Variants in CA8 observed in about 807,000 individuals in gnomAD.
CA8 encodes carbonic anhydrase-related protein.
A neutral mutation model predicts 41.4 loss-of-function variants in CA8; 22 were observed. The observed-to-expected ratio is 0.53, with a 90% CI of 0.38 to 0.76. The LOEUF (loss-of-function observed/expected upper bound fraction) is 0.76. Among genes scored for constraint, CA8 ranks in the 30% least tolerant of loss-of-function variants. The probability of loss-of-function intolerance (pLI) is 0.00; values close to 1 mark genes in which losing one functional copy is unlikely to be tolerated. For synonymous variants in CA8, 121 were observed against 130.6 expected, an observed-to-expected ratio of 0.93 and a Z score of 0.50; for missense variants, 270 against 352.8, an observed-to-expected ratio of 0.77 and a Z score of 1.88.
intron 3 of CA8, among the ~76,000 whole-genome samples, chr8:60,233,985 TA>T (rs1262345771): frequency 6.6e-6 from 1 of 152,030 alleles, no homozygotes; most frequent in African/African-American, 2.4e-5. Flanking sequence ...TTTCAAAGAG[TA>T]AAGTATGGAA....
intron 3 of CA8, chr8:60,232,786 T>C: frequency 9.8e-6 from 2 of 204,256 alleles, no homozygotes; most frequent in East Asian, 2.1e-4. Context: ...CATCACCCAG[T>C]ACTTCCATCA....
chr8:60,203,433 C>A (rs1806490627), intron 8 of CA8, among the ~76,000 whole-genome samples: 1 of 152,060 alleles, frequency 6.6e-6, no homozygotes, highest in Non-Finnish European at 1.5e-5. Flanking sequence ...GTTTCAATTC[C>A]TTAACCCCTT....
At chr8:60,196,379 A>G (rs1326611865) in intron 8 of CA8, among the ~76,000 whole-genome samples, 27 of 152,154 alleles carry the variant, frequency 1.8e-4, no homozygotes, top group Admixed American at 1.8e-3. Flanking sequence ...CACTTCATAG[A>G]TGAGGAAACT....
intron 4 of CA8, among the ~76,000 whole-genome samples, chr8:60,228,364 A>C (rs1322395035): frequency 6.6e-6 from 1 of 152,094 alleles, no homozygotes; most frequent in Non-Finnish European, 1.5e-5. Context: ...CTTCAGGAGA[A>C]ATGGACTTCT....
At chr8:60,263,040 T>C (rs1029260045) in intron 3 of CA8, among the ~76,000 whole-genome samples, 10 of 152,178 alleles carry the variant, frequency 6.6e-5, no homozygotes, top group Non-Finnish European at 1.3e-4. Flanking sequence ...TCGATGGATT[T>C]CTATTAAAAG....
At chr8:60,255,782 A>G (rs1367929187) in intron 3 of CA8, among the ~76,000 whole-genome samples, 1 of 152,222 alleles carries the variant, frequency 6.6e-6, no homozygotes, top group Non-Finnish European at 1.5e-5. Flanking sequence ...TACATCCAAT[A>G]TACCTAATAC....
chr8:60,191,321 T>C (rs932762493), intron 8 of CA8, among the ~76,000 whole-genome samples: 1 of 152,052 alleles, frequency 6.6e-6, no homozygotes, highest in Non-Finnish European at 1.5e-5. Context: ...GAAAGTGATA[T>C]GAAATTGATT....
At chr8:60,201,647 A>G (rs1806432321) in intron 8 of CA8, among the ~76,000 whole-genome samples, 1 of 152,240 alleles carries the variant, frequency 6.6e-6, no homozygotes, top group South Asian at 2.1e-4. Context: ...ATAACAATAA[A>G]ATATCTAAAA....
Position 60,267,264 on chromosome 8 carries a change from A to G in CA8, c.293-1215T>C, listed in dbSNP as rs574771611. Among the ~76,000 whole-genome samples the G allele has an allele frequency of 2.0e-5, 3 of 152,356 alleles. No homozygotes were observed. In the East Asian group the frequency reaches 5.8e-4, roughly 29 times the overall value. On this transcript the variant is annotated intron_variant, in intron 2 of 8. Coordinates refer to ENST00000317995, the MANE Select transcript of CA8 (RefSeq NM_004056.6). ...AGGGGAAGCCAAGAAAGAGGCAGAAAATAGATGGAGAAATGAGGCTATTAG... is the reference window on the plus strand; with the variant it reads ...AGGGGAAGCCAAGAAAGAGGCAGAAGATAGATGGAGAAATGAGGCTATTAG...
chr8:60,193,068 C>T (rs1806182142), intron 8 of CA8, among the ~76,000 whole-genome samples: 1 of 151,860 alleles, frequency 6.6e-6, no homozygotes, highest in South Asian at 2.1e-4. Flanking sequence ...TATGCAACTT[C>T]TATTATTGTA....
At position 60,199,116 on chromosome 8, in the gene CA8, T is replaced by A. The variant is rs190293612; in HGVS notation, c.*36-9131A>T. Among the ~76,000 whole-genome samples the A allele has an allele frequency of 2.0e-5, 3 of 152,202 alleles. No homozygotes were observed. The East Asian group carries it at 5.8e-4, about 29-fold the overall frequency. ...ATGCTTCAAATACAACCAGTTATAT[T>A]CATGAAAAAAATGTTTATTTACAAA... is the stretch of plus-strand genomic sequence containing the variant. On this transcript the variant is annotated intron_variant, in intron 8 of 8. Transcript: ENST00000317995.
At chr8:60,236,171 T>G (rs1807822780) in intron 3 of CA8, among the ~76,000 whole-genome samples, 1 of 152,146 alleles carries the variant, frequency 6.6e-6, no homozygotes. Flanking sequence ...ACTACATGAG[T>G]AGGCCTCATA....
chr8:60,268,906 C>T (rs116601972), intron 2 of CA8, among the ~76,000 whole-genome samples: 2,045 of 152,204 alleles, frequency 0.013, 42 homozygotes, highest in African/African-American at 0.047. Flanking sequence ...ATGAAAGGAA[C>T]ACTGAGAAGG....
At chr8:60,263,627 A>C (rs1803809459) in intron 3 of CA8, among the ~76,000 whole-genome samples, 1 of 152,202 alleles carries the variant, frequency 6.6e-6, no homozygotes, top group South Asian at 2.1e-4. Flanking sequence ...CCTGTGCTTG[A>C]GGTGGCCCTT....
intron 2 of CA8, among the ~76,000 whole-genome samples, chr8:60,275,803 CAGT>C (rs1029165160): frequency 3.3e-5 from 5 of 151,918 alleles, no homozygotes; most frequent in Admixed American, 2.0e-4. Context: ...TTCAAAACAA[CAGT>C]AGTAAAGAAA....
chr8:60,236,695 T>C (rs1807841626), intron 3 of CA8, among the ~76,000 whole-genome samples: 2 of 152,250 alleles, frequency 1.3e-5, no homozygotes, highest in South Asian at 2.1e-4. Flanking sequence ...CTTCTACTTA[T>C]ATTTATTTTT....
intron 2 of CA8, among the ~76,000 whole-genome samples, chr8:60,271,665 G>C (rs1804078182): frequency 6.6e-6 from 1 of 152,104 alleles, no homozygotes; most frequent in Non-Finnish European, 1.5e-5. Flanking sequence ...TATCTTGATT[G>C]GCAATTTCTC....
intron 8 of CA8, among the ~76,000 whole-genome samples, chr8:60,206,199 G>C (rs1806571296): frequency 6.6e-6 from 1 of 152,108 alleles, no homozygotes; most frequent in Admixed American, 6.5e-5. Context: ...ACCAAAGTAA[G>C]AACACAAATA....
intron 3 of CA8, among the ~76,000 whole-genome samples, chr8:60,248,827 T>A (rs1035354237): frequency 4.6e-5 from 7 of 152,176 alleles, no homozygotes; most frequent in South Asian, 2.1e-4. Context: ...ATTATATATA[T>A]AATGCTATAT....
Sources: gnomAD v4.1 joint callset for allele counts (sites outside exome capture counted in the v4.1 genomes callset) on GRCh38, gnomAD v4.1.1 for gene constraint, MANE v1.5 for transcripts, NCBI Gene and HGNC (gene_info 2026-07-23, HGNC 2026-07-21) for gene names.